Variants in PPP2R5E observed in about 807,000 individuals in gnomAD.
The protein encoded by PPP2R5E is protein phosphatase 2 regulatory subunit B'epsilon.
In PPP2R5E, 4 loss-of-function variants were observed where a neutral mutation model predicts 65.3. The observed-to-expected ratio is 0.06, with a 90% confidence interval of 0.03 to 0.14. The LOEUF (loss-of-function observed/expected upper bound fraction) is 0.14. PPP2R5E is among the 10% of genes least tolerant of loss of function. The pLI, the probability that PPP2R5E is intolerant of heterozygous loss-of-function variation, is 1.00. For missense variants in PPP2R5E, 274 were observed against 556.1 expected (o/e 0.49, Z 5.10); for synonymous variants, 183 against 187.4 (o/e 0.98, Z 0.19).
At position 63,382,256 on chromosome 14, in the gene PPP2R5E, C is replaced by T. The variant is rs549053257; in HGVS notation, c.1203-99G>A. The stretch of plus-strand genomic sequence containing the variant: ...CACAACTTTTGTCTGAATGATTTCT[C>T]GTACTGCACACTGTCTGTATCCTTT... On this transcript the variant is annotated intron_variant, in intron 12 of 13. Transcript: ENST00000337537. The T allele has an allele frequency of 7.6e-5, 59 of 779,112 alleles. No individual in the cohort carries two copies. In the South Asian group the frequency reaches 9.4e-4, roughly 12 times the overall value. 48.3% of individuals were successfully genotyped at this position (779,112 alleles called of 1,614,324 possible). A position where few individuals can be genotyped will look rare whatever the true frequency, so the allele number is the denominator to read the frequency against.
intron 3 of PPP2R5E, among the ~76,000 whole-genome samples, chr14:63,438,961 G>A (rs1055327434): frequency 3.0e-4 from 46 of 151,670 alleles, no homozygotes; most frequent in African/African-American, 1.1e-3. Context: ...AAACACAGGG[G>A]CATATGCAGT....
intron 3 of PPP2R5E, among the ~76,000 whole-genome samples, chr14:63,427,215 T>A (rs2139906267): frequency 6.6e-6 from 1 of 152,310 alleles, no homozygotes; most frequent in South Asian, 2.1e-4. Context: ...TTAAAATGCA[T>A]TCAGGTATTT....
intron 2 of PPP2R5E, among the ~76,000 whole-genome samples, chr14:63,518,482 G>C (rs138238133): frequency 2.0e-4 from 30 of 152,204 alleles, no homozygotes; most frequent in African/African-American, 7.2e-4. Flanking sequence ...GGCCTCAAGA[G>C]ATCCTCCCGT....
intron 2 of PPP2R5E, among the ~76,000 whole-genome samples, chr14:63,481,110 G>C (rs933085112): frequency 1.3e-5 from 2 of 152,182 alleles, no homozygotes; most frequent in Non-Finnish European, 2.9e-5. Flanking sequence ...AAGGGACTGA[G>C]TGATGCTGCA....
At chr14:63,404,981 A>T (rs1444524907) in intron 5 of PPP2R5E, among the ~76,000 whole-genome samples, 1 of 152,220 alleles carries the variant, frequency 6.6e-6, no homozygotes, top group Non-Finnish European at 1.5e-5. Flanking sequence ...AAAAAGTATT[A>T]AGAGTTTCAA....
chr14:63,406,948 T>G (rs905465400), intron 5 of PPP2R5E, among the ~76,000 whole-genome samples: 1 of 152,202 alleles, frequency 6.6e-6, no homozygotes, highest in Non-Finnish European at 1.5e-5. Context: ...TATGATTTCA[T>G]GGACTGAAGC....
intron 2 of PPP2R5E, among the ~76,000 whole-genome samples, chr14:63,535,742 A>T (rs1179032805): frequency 6.6e-6 from 1 of 152,202 alleles, no homozygotes; most frequent in African/African-American, 2.4e-5. Context: ...CACAAAATTC[A>T]ACCATATTTT....
At chr14:63,434,200 ATCAG>A (rs1566699519) in intron 3 of PPP2R5E, among the ~76,000 whole-genome samples, 1 of 152,186 alleles carries the variant, frequency 6.6e-6, no homozygotes, top group African/African-American at 2.4e-5. Flanking sequence ...TGCAAAAAAA[ATCAG>A]TCTCTTTTTA....
chr14:63,501,726 T>C (rs1296549748), intron 2 of PPP2R5E, among the ~76,000 whole-genome samples: 2 of 152,136 alleles, frequency 1.3e-5, no homozygotes, highest in African/African-American at 2.4e-5. Flanking sequence ...GAATTATGTC[T>C]CAATAAAGCT....
chr14:63,430,389 A>ACATACATGCATACATACATACATACATG (rs1555359673), intron 3 of PPP2R5E, among the ~76,000 whole-genome samples: 1 of 142,492 alleles, frequency 7.0e-6, no homozygotes, highest in African/African-American at 2.9e-5. Flanking sequence ...ATACATACAT[A>ACATACATGCATACATACATACATACATG]CATACATACA....
At chr14:63,494,502 T>C (rs1346482015) in intron 2 of PPP2R5E, among the ~76,000 whole-genome samples, 1 of 150,576 alleles carries the variant, frequency 6.6e-6, no homozygotes, top group Non-Finnish European at 1.5e-5. Flanking sequence ...CCCAAAGTGC[T>C]GGGATTACAA....
rs376513270 is a variant in PPP2R5E, at chr14:63,497,767, C to A, written c.157+41762G>T. Among the ~76,000 whole-genome samples, 221 of 149,520 alleles carry A rather than the reference C, an allele frequency of 1.5e-3. 2 individuals are homozygous for A. The Middle Eastern group carries it at 0.035, about 23-fold the overall frequency. On this transcript the variant is annotated intron_variant, in intron 2 of 13. Coordinates refer to ENST00000337537, the MANE Select transcript of PPP2R5E (RefSeq NM_006246.5). ...CATCTCAAAAAAACAAACAAACAAACAAAAAAAAACAAACACAAAAAACAC... is the reference window on the plus strand; with the variant it reads ...CATCTCAAAAAAACAAACAAACAAAAAAAAAAAAACAAACACAAAAAACAC...
rs774633765 is a variant in PPP2R5E, at chr14:63,375,958, T to A, written c.*51A>T. ...AGAAAACTGTTGCTCCATCTTCTAC[T>A]ACATAAACGTGTGACTCCACAGGTT... On this transcript the variant is annotated 3_prime_UTR_variant, in exon 14 of 14. Transcript: ENST00000337537. 21 of 1,286,464 alleles carry A rather than the reference T, an allele frequency of 1.6e-5. No homozygotes were observed. Among genetic ancestry groups the A allele is most frequent in the Non-Finnish European group, 2.2e-6 (2 of 896,784 alleles). The allele number at this position is 1,286,464 out of a possible 1,614,324, so 79.7% of individuals were successfully genotyped here. A position where few individuals can be genotyped will look rare whatever the true frequency, so the allele number is the denominator to read the frequency against.
chr14:63,505,533 C>A (rs1394604110), intron 2 of PPP2R5E, among the ~76,000 whole-genome samples: 2 of 152,210 alleles, frequency 1.3e-5, no homozygotes, highest in African/African-American at 4.8e-5. Context: ...CTAAGAAGCC[C>A]ATGCAAGGAG....
chr14:63,461,847 T>TACACACACACAC (rs10695748), intron 2 of PPP2R5E, among the ~76,000 whole-genome samples: 1 of 150,816 alleles, frequency 6.6e-6, no homozygotes, highest in African/African-American at 2.4e-5. Flanking sequence ...CCCTCACACA[T>TACACACACACAC]ACACACACAC....
At chr14:63,403,069 A>G (rs1443199669) in intron 5 of PPP2R5E, among the ~76,000 whole-genome samples, 1 of 152,222 alleles carries the variant, frequency 6.6e-6, no homozygotes. Context: ...CTGGAAAACA[A>G]TGGATCAATT....
At chr14:63,399,287 G>C (rs984327099) in intron 5 of PPP2R5E, among the ~76,000 whole-genome samples, 5 of 148,494 alleles carry the variant, frequency 3.4e-5, no homozygotes, top group Non-Finnish European at 7.5e-5. Flanking sequence ...CTCCATTTAT[G>C]TGAAATAAGC....
At chr14:63,525,810 T>C (rs557532139) in intron 2 of PPP2R5E, among the ~76,000 whole-genome samples, 27 of 152,314 alleles carry the variant, frequency 1.8e-4, no homozygotes, top group Non-Finnish European at 3.5e-4. Context: ...TAAAAGCCTA[T>C]GCAAAGACCT....
At chr14:63,393,004 GA>G (rs901962849) in intron 8 of PPP2R5E, among the ~76,000 whole-genome samples, 34 of 149,464 alleles carry the variant, frequency 2.3e-4, no homozygotes, top group African/African-American at 5.4e-4. Context: ...AGGCTTAAAG[GA>G]AAAAAAAAAT....
Sources: allele counts gnomAD v4.1 joint callset (sites outside exome capture counted in the v4.1 genomes callset), GRCh38; gene constraint gnomAD v4.1.1; transcripts MANE v1.5; gene names NCBI Gene and HGNC (gene_info 2026-07-23, HGNC 2026-07-21).